Variants in GPC6 observed in about 807,000 individuals in gnomAD.
GPC6 encodes the protein glypican 6.
In GPC6, 14 loss-of-function variants were observed where a neutral mutation model predicts 55.2. The ratio of observed to expected loss-of-function variants is 0.25; its 90% CI spans 0.17 to 0.40. GPC6 has a LOEUF of 0.40. GPC6 is among the 10% of genes least tolerant of loss of function. GPC6 has a pLI of 1.00. For synonymous variants in GPC6, 278 were observed against 259.6 expected, an observed-to-expected ratio of 1.07 and a Z score of -0.68; for missense variants, 641 against 708.5, an observed-to-expected ratio of 0.90 and a Z score of 1.08.
intron 4 of GPC6, among the ~76,000 whole-genome samples, chr13:94,125,707 G>A (rs1473448191): frequency 1.4e-5 from 2 of 141,282 alleles, no homozygotes; most frequent in African/African-American, 5.1e-5. Flanking sequence ...AAATTTTAAA[G>A]GCCAATTTCT....
At chr13:93,803,517 T>C (rs1269122476) in intron 2 of GPC6, among the ~76,000 whole-genome samples, 2 of 152,152 alleles carry the variant, frequency 1.3e-5, no homozygotes, top group Non-Finnish European at 2.9e-5. Context: ...CTACAAAAAA[T>C]AGTTTGGCAG....
At chr13:93,593,268 G>A (rs1266640635) in intron 2 of GPC6, among the ~76,000 whole-genome samples, 1 of 151,926 alleles carries the variant, frequency 6.6e-6, no homozygotes. Flanking sequence ...ATTGATTTAC[G>A]AAAATGGAAG....
intron 1 of GPC6, among the ~76,000 whole-genome samples, chr13:93,462,631 A>G (rs1594187148): frequency 6.9e-6 from 1 of 144,184 alleles, no homozygotes; most frequent in East Asian, 2.6e-4. Context: ...TAAATTTTGT[A>G]AAAATTGAAA....
intron 4 of GPC6, among the ~76,000 whole-genome samples, chr13:94,160,770 G>C (rs1888132328): frequency 6.6e-6 from 1 of 151,782 alleles, no homozygotes; most frequent in African/African-American, 2.4e-5. Context: ...TGTATATATG[G>C]GACTCAAAAT....
intron 2 of GPC6, among the ~76,000 whole-genome samples, chr13:93,786,112 A>G (rs1276751771): frequency 2.0e-5 from 3 of 152,176 alleles, no homozygotes; most frequent in East Asian, 3.9e-4. Flanking sequence ...GTGGACGCCA[A>G]ACACTCAGAT....
intron 2 of GPC6, among the ~76,000 whole-genome samples, chr13:93,792,948 A>G (rs538107535): frequency 6.0e-4 from 91 of 152,250 alleles, no homozygotes; most frequent in African/African-American, 2.1e-3. Context: ...CTGACAATTC[A>G]GTTTCTGAAC....
At chr13:94,229,441 T>C (rs1343725529) in intron 4 of GPC6, among the ~76,000 whole-genome samples, 1 of 152,212 alleles carries the variant, frequency 6.6e-6, no homozygotes, top group Non-Finnish European at 1.5e-5. Flanking sequence ...AATATTTTAA[T>C]TTCCATTTTG....
intron 3 of GPC6, among the ~76,000 whole-genome samples, chr13:93,949,974 C>T (rs896279631): frequency 2.0e-5 from 3 of 152,104 alleles, no homozygotes; most frequent in South Asian, 2.1e-4. Flanking sequence ...GTGGTCCACT[C>T]GCCTTGGCCT....
chr13:93,670,611 G>A lies in GPC6; in HGVS notation c.319+125190G>A, dbSNP rs1461601513. On this transcript the variant is annotated intron_variant, in intron 2 of 8. Transcript: ENST00000377047. ...ATAGACTGGGGAAGCTAAAATGAAAGAATAGCGATAATAATCAGTATGAAA... is the reference window on the plus strand; with the variant it reads ...ATAGACTGGGGAAGCTAAAATGAAAAAATAGCGATAATAATCAGTATGAAA... Among the ~76,000 whole-genome samples, 6 of 152,230 alleles carry A rather than the reference G, an allele frequency of 3.9e-5. No individual in the cohort carries two copies. The East Asian group carries it at 1.2e-3, about 29-fold the overall frequency.
chr13:94,217,756 C>CA (rs902436067), intron 4 of GPC6, among the ~76,000 whole-genome samples: 1 of 152,200 alleles, frequency 6.6e-6, no homozygotes, highest in African/African-American at 2.4e-5. Flanking sequence ...GTTAAGAGCA[C>CA]AGGCTTCGGC....
At chr13:93,538,564 A>C (rs1594246384) in intron 1 of GPC6, among the ~76,000 whole-genome samples, 1 of 152,194 alleles carries the variant, frequency 6.6e-6, no homozygotes, top group East Asian at 1.9e-4. Flanking sequence ...TTGCTGCCTT[A>C]ACTTTCTTAA....
At chr13:93,294,883 C>T (rs1169642257) in intron 1 of GPC6, among the ~76,000 whole-genome samples, 1 of 151,862 alleles carries the variant, frequency 6.6e-6, no homozygotes, top group African/African-American at 2.4e-5. Flanking sequence ...TAAATTTGGC[C>T]TGAGTTGAAC....
intron 3 of GPC6, among the ~76,000 whole-genome samples, chr13:93,852,983 G>A (rs1032998562): frequency 2.0e-5 from 3 of 151,590 alleles, no homozygotes; most frequent in Non-Finnish European, 4.4e-5. Flanking sequence ...CCAATTTCAA[G>A]GGGATAAAAT....
rs757000079 is a variant in GPC6 at position 93,227,471 on chromosome 13, C to A, written c.15C>A (p.Ile5=). The A allele has an allele frequency of 4.2e-5, 67 of 1,613,712 alleles. No homozygotes were observed. The African/African-American group carries it at 7.2e-4, about 17-fold the overall frequency. The change falls in exon 1 of 9, where the codon ATC becomes ATA. Residue 5 remains isoleucine (I), a synonymous_variant. Coordinates refer to ENST00000377047, the MANE Select transcript of GPC6 (RefSeq NM_005708.5). This position sits in a 1 kb window ranked among gnomAD's most constrained non-coding sequence, Gnocchi z 4.3. MPSW[I]GAVILPLLGL... is the part of the protein sequence containing the mutation. ...TATGTTGCACCATGCCTTCTTGGAT[C>A]GGGGCTGTGATTCTTCCCCTCTTGG...
At chr13:93,686,118 A>C (rs1383352709) in intron 2 of GPC6, among the ~76,000 whole-genome samples, 1 of 152,110 alleles carries the variant, frequency 6.6e-6, no homozygotes, top group Non-Finnish European at 1.5e-5. Context: ...TTTATCTTAT[A>C]TTGTGTCCTA....
intron 4 of GPC6, among the ~76,000 whole-genome samples, chr13:94,155,574 G>T (rs1280740480): frequency 1.3e-5 from 2 of 152,116 alleles, no homozygotes; most frequent in African/African-American, 4.8e-5. Context: ...TCAGTGCAGG[G>T]TGTGGAGAGA....
intron 2 of GPC6, among the ~76,000 whole-genome samples, chr13:93,753,373 A>T (rs530738839): frequency 1.3e-5 from 2 of 152,318 alleles, no homozygotes; most frequent in South Asian, 4.1e-4. Context: ...TATCATGCTT[A>T]TCTACAGTAA....
At chr13:93,871,679 A>G (rs1210535883) in intron 3 of GPC6, among the ~76,000 whole-genome samples, 6 of 151,976 alleles carry the variant, frequency 3.9e-5, no homozygotes, top group Non-Finnish European at 7.4e-5. Context: ...TTTTAGTCCA[A>G]GAAGAATTTA....
intron 4 of GPC6, among the ~76,000 whole-genome samples, chr13:94,205,082 T>A (rs1889863467): frequency 6.6e-6 from 1 of 152,206 alleles, no homozygotes; most frequent in East Asian, 1.9e-4. Context: ...TAATGTGATA[T>A]AAAAACATTT....
Sources: allele counts gnomAD v4.1 joint callset (sites outside exome capture counted in the v4.1 genomes callset), GRCh38; gene constraint gnomAD v4.1.1; non-coding constraint Gnocchi (gnomAD v3.1); transcripts MANE v1.5; gene names NCBI Gene and HGNC (gene_info 2026-07-23, HGNC 2026-07-21).